The following CHST10 variants were observed in gnomAD, a reference collection of about 807,000 sequenced individuals.
CHST10 encodes HNK-1 sulfotransferase.
A neutral mutation model predicts 34.7 loss-of-function variants in CHST10; 24 were observed. The ratio of observed to expected loss-of-function variants is 0.69; its 90% CI spans 0.50 to 0.97. The LOEUF (loss-of-function observed/expected upper bound fraction) is 0.97. Ranked by LOEUF, CHST10 falls within the 50% of genes least tolerant of loss-of-function variation. CHST10 has a pLI of 0.00. For missense variants in CHST10, 402 were observed against 452.1 expected (o/e 0.89, Z 1.00); for synonymous variants, 161 against 169.3 (o/e 0.95, Z 0.38).
At chr2:100,393,862 C>T (rs889825968) in intron 6 of CHST10, 80 bp from the exon 7 acceptor site, 39 of 1,159,270 alleles carry the variant, frequency 3.4e-5, no homozygotes, top group African/African-American at 4.6e-5. Context: ...GAAGAATGAG[C>T]GGAGTGCAGC....
At chr2:100,411,120 T>C (rs1045917746) in intron 2 of CHST10, among the ~76,000 whole-genome samples, 16 of 148,656 alleles carry the variant, frequency 1.1e-4, no homozygotes, top group Admixed American at 4.0e-4. Flanking sequence ...TTTTTTCTTT[T>C]TTTTTTTTTT....
At chr2:100,406,737 G>A in intron 2 of CHST10, 30 bp from the exon 3 acceptor site, 2 of 1,600,354 alleles carry the variant, frequency 1.2e-6, no homozygotes, top group Non-Finnish European at 1.7e-6. Flanking sequence ...TGCCCCTGCT[G>A]CTTACAAATA....
At chr2:100,402,745 T>C in intron 3 of CHST10, 90 bp from the exon 4 acceptor site, 2 of 1,129,046 alleles carry the variant, frequency 1.8e-6, no homozygotes, top group Non-Finnish European at 2.6e-6. Context: ...ATAGAAGCTC[T>C]CAAAGATGCC....
intron 4 of CHST10, among the ~76,000 whole-genome samples, chr2:100,399,692 T>C (rs951774365): frequency 4.6e-5 from 7 of 152,122 alleles, no homozygotes; most frequent in African/African-American, 1.7e-4. Flanking sequence ...CAGCTCTTCC[T>C]TTATGGATCT....
chr2:100,403,453 C>T (rs184883162), intron 3 of CHST10, among the ~76,000 whole-genome samples: 78 of 152,270 alleles, frequency 5.1e-4, no homozygotes, highest in African/African-American at 1.8e-3. Flanking sequence ...TAAATCATTG[C>T]CACAAATATC....
At chr2:100,413,808 C>T (rs1407864743) in intron 2 of CHST10, among the ~76,000 whole-genome samples, 2 of 152,172 alleles carry the variant, frequency 1.3e-5, no homozygotes, top group South Asian at 4.1e-4. Context: ...CCAGGCCCCA[C>T]TTTTAATATG....
chr2:100,393,845 G>C, intron 6 of CHST10, 63 bp from the exon 7 acceptor site: 2 of 1,376,306 alleles, frequency 1.5e-6, no homozygotes, highest in Non-Finnish European at 2.0e-6. Context: ...TGAGGGGGCG[G>C]GAGAGGGAAG....
intron 2 of CHST10, chr2:100,407,735 C>T (rs1230741181): frequency 6.6e-6 from 1 of 152,158 alleles, no homozygotes; most frequent in African/African-American, 2.4e-5. Context: ...CCATGACACA[C>T]CCACCACGTA....
intron 6 of CHST10, 122 bp from the exon 7 acceptor site, chr2:100,393,904 G>A: frequency 1.4e-6 from 1 of 697,320 alleles, no homozygotes; most frequent in Non-Finnish European, 2.4e-6. Context: ...TGCCGAGGCT[G>A]CCATGAATGC....
rs544734775 is a variant in CHST10 at position 100,393,235 on chromosome 2, G to A, written c.*10C>T. 11 of 1,613,552 alleles carry A rather than the reference G, an allele frequency of 6.8e-6. No individual in the cohort carries two copies. Among genetic ancestry groups the A allele is most frequent in the Non-Finnish European group, 8.5e-6 (10 of 1,179,724 alleles). On this transcript the variant is annotated 3_prime_UTR_variant, in exon 7 of 7. Coordinates refer to ENST00000264249, the MANE Select transcript of CHST10 (RefSeq NM_004854.5). ...CTAATAAAGATATTTGAATTCATAG[G>A]TCTTATGCATTAGTTTAGCAAAAAG...
At chr2:100,415,578 G>A (rs1165997890) in intron 1 of CHST10, among the ~76,000 whole-genome samples, 1 of 152,100 alleles carries the variant, frequency 6.6e-6, no homozygotes, top group East Asian at 1.9e-4. Context: ...ATGGATTTAG[G>A]AGATCTACCA....
At chr2:100,395,662 C>CTT in intron 5 of CHST10, 48 bp from the exon 6 acceptor site, 1 of 1,491,914 alleles carries the variant, frequency 6.7e-7, no homozygotes, top group Non-Finnish European at 9.3e-7. Context: ...CCAGTACGCC[C>CTT]CTTAGAGAAG....
intron 1 of CHST10, among the ~76,000 whole-genome samples, chr2:100,416,014 T>A (rs1017524650): frequency 6.6e-6 from 1 of 152,114 alleles, no homozygotes; most frequent in Non-Finnish European, 1.5e-5. Context: ...TTAGAAAAGG[T>A]AGAGTAAAAA....
chr2:100,397,601 C>A (rs1675118632), intron 5 of CHST10, among the ~76,000 whole-genome samples: 1 of 152,100 alleles, frequency 6.6e-6, no homozygotes, highest in Non-Finnish European at 1.5e-5. Context: ...GCACAGGGAA[C>A]CTGAAGAGAC....
In CHST10 at chr2:100,415,107, T is replaced by C. The variant is rs1199752975; in HGVS notation, c.-99A>G. 2.3e-6 allele frequency: 3 copies of C among 1,294,724 alleles called. No individual in the cohort carries two copies. The highest frequency in any genetic ancestry group is 3.0e-6 in the Non-Finnish European group (3 of 984,816). The allele number at this position is 1,294,724 out of a possible 1,614,324, so 80.2% of individuals were successfully genotyped here. ...CTGAACTGAGGTTCTTGGTTCCTCT[T>C]GTCACTGGATAGGAAAATTAAAAAA... On this transcript the variant is annotated 5_prime_UTR_variant, in exon 2 of 7. Coordinates refer to ENST00000264249, the MANE Select transcript of CHST10 (RefSeq NM_004854.5).
intron 2 of CHST10, among the ~76,000 whole-genome samples, chr2:100,410,659 T>C (rs188948725): frequency 1.1e-3 from 172 of 152,332 alleles, no homozygotes; most frequent in African/African-American, 3.8e-3. Context: ...AGAGCAGTTC[T>C]ATGTTTAATA....
chr2:100,412,537 T>A (rs1224238232), intron 2 of CHST10, among the ~76,000 whole-genome samples: 1 of 152,156 alleles, frequency 6.6e-6, no homozygotes, highest in Non-Finnish European at 1.5e-5. Context: ...AGGCATTTTT[T>A]AAGAGCTCTG....
chr2:100,395,443 T>G, intron 6 of CHST10, 66 bp downstream of exon 6: 1 of 1,427,704 alleles, frequency 7.0e-7, no homozygotes, highest in Non-Finnish European at 9.8e-7. Context: ...CAGCCTGGGG[T>G]TTTCCCCAAA....
chr2:100,401,493 A>G (rs1180349869), intron 4 of CHST10, among the ~76,000 whole-genome samples: 3 of 152,138 alleles, frequency 2.0e-5, no homozygotes, highest in African/African-American at 7.2e-5. Context: ...TCCTTGAGGG[A>G]ACCTTGTTGC....
Sources: allele counts gnomAD v4.1 joint callset (sites outside exome capture counted in the v4.1 genomes callset), GRCh38; gene constraint gnomAD v4.1.1; transcripts MANE v1.5; gene names NCBI Gene and HGNC (gene_info 2026-07-23, HGNC 2026-07-21).